TEX36: variants seen among roughly 807,000 people sequenced by gnomAD.
The protein encoded by TEX36 is testis-expressed protein 36.
TEX36 carries 12 observed loss-of-function variants against 13.6 expected under a neutral mutation model. That is an observed-to-expected ratio of 0.88 (90% CI 0.56 to 1.43). The LOEUF (loss-of-function observed/expected upper bound fraction) is 1.43, where lower values mean the gene tolerates loss of function less well. Ranked by LOEUF, TEX36 falls within the 40% of genes most tolerant of loss-of-function variation. TEX36 has a pLI of 0.00. For synonymous variants in TEX36, 93 were observed against 83.0 expected (o/e 1.12, Z -0.65); for missense variants, 224 against 228.3 (o/e 0.98, Z 0.12).
intron 3 of TEX36, among the ~76,000 whole-genome samples, chr10:125,602,744 ACTCT>A (rs1164613735): frequency 2.0e-5 from 3 of 151,544 alleles, no homozygotes; most frequent in Non-Finnish European, 4.4e-5. Flanking sequence ...ACATTTCCAA[ACTCT>A]CTCCATCCAG....
At chr10:125,602,957 G>T (rs1294337929) in intron 3 of TEX36, among the ~76,000 whole-genome samples, 5 of 152,168 alleles carry the variant, frequency 3.3e-5, no homozygotes, top group Admixed American at 1.3e-4. Context: ...GTGGCTTGCC[G>T]TTCCAGTTCT....
chr10:125,580,361 C>T (rs768027665), intron 3 of TEX36, among the ~76,000 whole-genome samples: 21 of 152,180 alleles, frequency 1.4e-4, no homozygotes, highest in Non-Finnish European at 2.6e-4. Flanking sequence ...TGGTAGTACC[C>T]TTTGTCAAAA....
At chr10:125,619,745 C>T (rs1013788414), downstream of TEX36, among the ~76,000 whole-genome samples, 12 of 151,668 alleles carry the variant, frequency 7.9e-5, no homozygotes, top group South Asian at 2.1e-4. Context: ...TTAGTAGAGA[C>T]GGGGTTTCAC....
At position 125,603,143 on chromosome 10, in the gene TEX36, C is replaced by G. The variant is rs117405189; in HGVS notation, c.265-26269G>C. On this transcript the variant is annotated intron_variant, in intron 3 of 3. Transcript: ENST00000532135. ...ACCATCTGCGGACAAGGCCAACCAG[C>G]CTTCCTGTCCTAAGAGTCCCATTTG... Among the ~76,000 whole-genome samples the G allele has an allele frequency of 8.0e-3, 1,224 of 152,330 alleles. 9 individuals are homozygous for G. The highest frequency in any genetic ancestry group is 0.031 in the Middle Eastern group (9 of 294).
intron 3 of TEX36, among the ~76,000 whole-genome samples, chr10:125,586,014 G>A (rs953771051): frequency 1.3e-5 from 2 of 152,206 alleles, no homozygotes; most frequent in East Asian, 3.9e-4. Context: ...CAGAAGCCCT[G>A]ACTTGTGGTA....
intron 3 of TEX36, among the ~76,000 whole-genome samples, chr10:125,579,656 G>C (rs1000471275): frequency 2.6e-5 from 4 of 152,140 alleles, no homozygotes; most frequent in Non-Finnish European, 5.9e-5. Flanking sequence ...GAGGTGATTG[G>C]ATCATGGGGG....
In TEX36 at chr10:125,603,505, G is replaced by A. The variant is rs1846176052; in HGVS notation, c.265-26631C>T. Among the ~76,000 whole-genome samples, 6 of 152,038 alleles carry A rather than the reference G, an allele frequency of 3.9e-5. No homozygotes were observed. The South Asian group carries it at 1.0e-3, about 26-fold the overall frequency. ...TCTAACCCAGCCCCCAGGAGAACTT[G>A]TTGACGAACCTTATACTGCACAGTG... is the stretch of plus-strand genomic sequence containing the variant. On this transcript the variant is annotated intron_variant, in intron 3 of 3. Coordinates refer to the TEX36 transcript ENST00000532135.
intron 3 of TEX36, among the ~76,000 whole-genome samples, chr10:125,644,842 C>A (rs577154030): frequency 7.2e-5 from 11 of 152,266 alleles, no homozygotes; most frequent in Admixed American, 6.5e-4. Flanking sequence ...TCAGGTGATC[C>A]CCTTAAAAAG....
Position 125,576,861 on chromosome 10 carries a change from GCTGTCATTCTTTC to G in TEX36, c.265_277del (p.Glu89GlnfsTer18). On this transcript the variant is annotated frameshift_variant and splice_region_variant, in exon 4 of 4. Transcript: ENST00000532135. LOFTEE classifies it low-confidence loss of function (END_TRUNC). ...GTCTGGTTCTCCCTGTGGGTCCGTTGCTGTCATTCTTTCCTGTGAGGAAGAGGGAAGATGTAGA... is the reference window on the plus strand; with the variant it reads ...GTCTGGTTCTCCCTGTGGGTCCGTTGCTGTGAGGAAGAGGGAAGATGTAGA... 1 of 1,536,108 alleles carries G rather than the reference GCTGTCATTCTTTC, an allele frequency of 6.5e-7. No individual in the cohort carries two copies. The highest frequency in any genetic ancestry group is 8.7e-7 in the Non-Finnish European group (1 of 1,146,910).
At chr10:125,589,157 G>A (rs1051618624) in intron 3 of TEX36, among the ~76,000 whole-genome samples, 1 of 152,084 alleles carries the variant, frequency 6.6e-6, no homozygotes, top group Non-Finnish European at 1.5e-5. Context: ...AGAACTACCC[G>A]TTTATGTTCT....
chr10:125,636,069 C>T (rs1278747275), intron 3 of TEX36, among the ~76,000 whole-genome samples: 2 of 151,792 alleles, frequency 1.3e-5, no homozygotes, highest in Non-Finnish European at 2.9e-5. Context: ...GAGATGAGAT[C>T]TCGCCATGTT....
At chr10:125,636,372 A>ATTTTTT (rs1173411320) in intron 3 of TEX36, among the ~76,000 whole-genome samples, 5 of 142,696 alleles carry the variant, frequency 3.5e-5, no homozygotes, top group African/African-American at 1.3e-4. Flanking sequence ...CACCCGGCTA[A>ATTTTTT]TTTTTTTTTT....
At chr10:125,578,550 G>A (rs946710105) in intron 3 of TEX36, 8 of 152,282 alleles carry the variant, frequency 5.3e-5, no homozygotes, top group Admixed American at 3.3e-4. Context: ...ATTTGGCTAT[G>A]GGCTTACCCA....
intron 3 of TEX36, among the ~76,000 whole-genome samples, chr10:125,584,137 G>A (rs1369586796): frequency 6.6e-6 from 1 of 152,248 alleles, no homozygotes; most frequent in Non-Finnish European, 1.5e-5. Flanking sequence ...AGGCATGCCT[G>A]CCATGTTATG....
intron 3 of TEX36, among the ~76,000 whole-genome samples, chr10:125,586,732 A>G (rs920576007): frequency 6.6e-6 from 1 of 151,378 alleles, no homozygotes; most frequent in Admixed American, 6.6e-5. Flanking sequence ...GCTTGAGTCC[A>G]GGAGGCAGAG....
chr10:125,589,760 A>G (rs1417414271), intron 3 of TEX36, among the ~76,000 whole-genome samples: 1 of 152,234 alleles, frequency 6.6e-6, no homozygotes. Context: ...TCTCTTATGT[A>G]TAGTCATATG....
At chr10:125,600,878 C>T (rs954489666) in intron 3 of TEX36, among the ~76,000 whole-genome samples, 4 of 152,158 alleles carry the variant, frequency 2.6e-5, no homozygotes, top group Non-Finnish European at 5.9e-5. Flanking sequence ...CACTGAATAC[C>T]GCGGCCCATT....
In TEX36 at chr10:125,576,788, A is replaced by T. The variant is rs1264454911; in HGVS notation, c.351T>A (p.His117Gln). ...GGGGTGCATTAGTTCTCAGGCCTGG[A>T]TGAGGAATGGACTGGGTCCTCACCG... Residue 117 changes from histidine to glutamine, a missense_variant, in exon 4 of 4, where the codon CAT becomes CAA. By Grantham distance (24) the His-to-Gln change is conservative. Transcript: ENST00000532135. 2.0e-6 allele frequency: 3 copies of T among 1,535,802 alleles called. No homozygotes were observed. In the African/African-American group the frequency reaches 4.1e-5, roughly 21 times the overall value.
At chr10:125,627,933 C>T (rs1846506822) in intron 3 of TEX36, among the ~76,000 whole-genome samples, 1 of 152,142 alleles carries the variant, frequency 6.6e-6, no homozygotes. Context: ...CAAAGATTAT[C>T]CAAATGAGAG....
Sources: gnomAD v4.1 joint callset for allele counts (sites outside exome capture counted in the v4.1 genomes callset) on GRCh38, gnomAD v4.1.1 for gene constraint, MANE v1.5 for transcripts, NCBI Gene and HGNC (gene_info 2026-07-23, HGNC 2026-07-21) for gene names.